Variants in MMP26 observed in about 807,000 individuals in gnomAD.
MMP26 encodes the protein matrix metallopeptidase 26.
MMP26 carries 33 observed loss-of-function variants against 31.0 expected under a neutral mutation model. That is an observed-to-expected ratio of 1.06 (90% CI 0.81 to 1.42). MMP26 has a LOEUF of 1.42. Among genes scored for constraint, MMP26 ranks in the 40% most tolerant of loss-of-function variants. The probability of loss-of-function intolerance (pLI) is 0.00; values close to 1 mark genes in which losing one functional copy is unlikely to be tolerated. For missense variants in MMP26, 347 were observed against 316.1 expected, an observed-to-expected ratio of 1.10 and a Z score of -0.74; for synonymous variants, 122 against 114.9, an observed-to-expected ratio of 1.06 and a Z score of -0.40.
intron 2 of MMP26, among the ~76,000 whole-genome samples, chr11:4,968,629 T>C (rs1032434986): frequency 2.6e-5 from 4 of 152,012 alleles, no homozygotes; most frequent in Non-Finnish European, 4.4e-5. Flanking sequence ...ACTTTGGTTT[T>C]CTAGTAGATT....
At chr11:4,988,943 A>T (rs896268742) in intron 3 of MMP26, among the ~76,000 whole-genome samples, 1 of 152,200 alleles carries the variant, frequency 6.6e-6, no homozygotes, top group Non-Finnish European at 1.5e-5. Flanking sequence ...ATGCAGTCAT[A>T]TAATTTAAAA....
At chr11:4,803,630 T>C (rs1431370041) in intron 2 of MMP26, 2 of 1,613,772 alleles carry the variant, frequency 1.2e-6, no homozygotes, top group Non-Finnish European at 1.7e-6. Flanking sequence ...AGAGCCAAGA[T>C]GACACAGATA....
intron 2 of MMP26, among the ~76,000 whole-genome samples, chr11:4,791,688 G>A (rs2133443222): frequency 6.6e-6 from 1 of 152,116 alleles, no homozygotes; most frequent in African/African-American, 2.4e-5. Context: ...ATTTCTCTAT[G>A]GCTATAATTC....
chr11:4,959,237 CAAAAAAAAAAAA>C (rs57867455), intron 2 of MMP26, among the ~76,000 whole-genome samples: 3 of 74,444 alleles, frequency 4.0e-5, no homozygotes, highest in African/African-American at 1.5e-4. Context: ...AACTCTGTCT[CAAAAAAAAAAAA>C]AAAAAAAAAA....
At chr11:4,869,251 A>T (rs1222810124) in intron 2 of MMP26, among the ~76,000 whole-genome samples, 1 of 151,906 alleles carries the variant, frequency 6.6e-6, no homozygotes, top group East Asian at 1.9e-4. Flanking sequence ...TCTGCACAGC[A>T]AAAGAAACTA....
At chr11:4,715,237 A>G (rs1228358944) in intron 1 of MMP26, among the ~76,000 whole-genome samples, 1 of 152,010 alleles carries the variant, frequency 6.6e-6, no homozygotes, top group Non-Finnish European at 1.5e-5. Flanking sequence ...TTTGTTAGAG[A>G]GGTGTATTTG....
intron 2 of MMP26, chr11:4,943,447 C>A (rs118113726): frequency 2.2e-6 from 1 of 455,540 alleles, no homozygotes; most frequent in East Asian, 7.0e-5. Flanking sequence ...AACCATGGGG[C>A]TTAATCATTT....
At chr11:4,866,531 G>A (rs1428788879) in intron 2 of MMP26, among the ~76,000 whole-genome samples, 1 of 152,098 alleles carries the variant, frequency 6.6e-6, no homozygotes, top group African/African-American at 2.4e-5. Flanking sequence ...TAGATTCAAT[G>A]CCATTCCTAT....
chr11:4,858,643 C>T (rs545312198), intron 2 of MMP26, among the ~76,000 whole-genome samples: 2 of 152,322 alleles, frequency 1.3e-5, no homozygotes, highest in African/African-American at 2.4e-5. Flanking sequence ...AATGGCCATA[C>T]TGCCCAAAGT....
chr11:4,945,286 C>G (rs1846277693), intron 2 of MMP26: 1 of 152,012 alleles, frequency 6.6e-6, no homozygotes, highest in African/African-American at 2.4e-5. Flanking sequence ...GAGTCAAGAG[C>G]ATTTTAACAA....
intron 1 of MMP26, among the ~76,000 whole-genome samples, chr11:4,747,636 T>C (rs866586537): frequency 3.9e-5 from 6 of 152,058 alleles, no homozygotes; most frequent in Non-Finnish European, 7.4e-5. Context: ...TTATGTTTTA[T>C]GGAAAACAGA....
intron 1 of MMP26, among the ~76,000 whole-genome samples, chr11:4,766,146 G>A (rs573225894): frequency 6.6e-6 from 1 of 152,260 alleles, no homozygotes; most frequent in Admixed American, 6.5e-5. Flanking sequence ...TAAAATGCTT[G>A]CTAATTTTTG....
At chr11:4,970,665 T>G in intron 2 of MMP26, among the ~76,000 whole-genome samples, 1 of 152,162 alleles carries the variant, frequency 6.6e-6, no homozygotes. Context: ...AGTTCCTTCT[T>G]GGTATTAAGT....
In MMP26 at chr11:4,907,735, C is replaced by G. The variant is rs1171828891; in HGVS notation, c.-144-80333C>G. On this transcript the variant is annotated intron_variant, in intron 2 of 7. Coordinates refer to ENST00000380390, the MANE Select transcript of MMP26 (RefSeq NM_021801.5). ...TACTTCTAATTATGTCTTTGGACCG[C>G]TTTCTTGCCATTCACAATCCCTTAA... 1.9e-6 allele frequency: 3 copies of G among 1,613,900 alleles called. No individual in the cohort carries two copies. The Admixed American group carries it at 5.0e-5, about 27-fold the overall frequency.
chr11:4,893,456 T>G (rs1401853160), intron 2 of MMP26, among the ~76,000 whole-genome samples: 1 of 152,180 alleles, frequency 6.6e-6, no homozygotes, highest in Non-Finnish European at 1.5e-5. Context: ...ACCACTATAC[T>G]GCTTTCTTCT....
chr11:4,806,681 C>A (rs1048450681), intron 2 of MMP26, among the ~76,000 whole-genome samples: 10 of 152,084 alleles, frequency 6.6e-5, no homozygotes, highest in Non-Finnish European at 1.5e-4. Flanking sequence ...TTATAACAGA[C>A]TGGGAGAAAT....
chr11:4,863,813 A>T (rs780844577), intron 2 of MMP26, among the ~76,000 whole-genome samples: 1 of 152,080 alleles, frequency 6.6e-6, no homozygotes, highest in African/African-American at 2.4e-5. Context: ...TCCCTTCCTA[A>T]TTTCCCTAAG....
chr11:4,946,258 G>A lies in MMP26; in HGVS notation c.-144-41810G>A, dbSNP rs193111403. On this transcript the variant is annotated intron_variant, in intron 2 of 7. Transcript: ENST00000380390. The stretch of plus-strand genomic sequence containing the variant: ...GGTTCGTCAGTGGAGGTACAAGTAG[G>A]AGAACATTTGCCATGAGAACATTAA... 3.2e-4 allele frequency: 509 copies of A among 1,613,930 alleles called. 4 individuals carry two copies. In the East Asian group the frequency reaches 0.011, roughly 35 times the overall value.
chr11:4,892,704 A>G (rs559660082), intron 2 of MMP26, among the ~76,000 whole-genome samples: 22 of 152,248 alleles, frequency 1.4e-4, no homozygotes, highest in African/African-American at 4.6e-4. Context: ...AGAAAGTACT[A>G]TCTATAATTT....
Sources: allele counts gnomAD v4.1 joint callset (sites outside exome capture counted in the v4.1 genomes callset), GRCh38; gene constraint gnomAD v4.1.1; transcripts MANE v1.5; gene names NCBI Gene and HGNC (gene_info 2026-07-23, HGNC 2026-07-21).